JADE2: variants seen among roughly 807,000 people sequenced by gnomAD.
JADE2 encodes E3 ubiquitin-protein ligase Jade-2.
In JADE2, 13 loss-of-function variants were observed where a neutral mutation model predicts 85.7. The ratio of observed to expected loss-of-function variants is 0.15; its 90% CI spans 0.10 to 0.24. The LOEUF (loss-of-function observed/expected upper bound fraction) is 0.24. Ranked by LOEUF, JADE2 falls within the 10% of genes least tolerant of loss-of-function variation. JADE2 has a pLI of 1.00. For synonymous variants in JADE2, 440 were observed against 456.1 expected (o/e 0.96, Z 0.45); for missense variants, 846 against 1,115.9 (o/e 0.76, Z 3.45).
chr5:134,547,393 C>T (rs1015076806), intron 3 of JADE2, among the ~76,000 whole-genome samples: 3 of 152,200 alleles, frequency 2.0e-5, no homozygotes. Flanking sequence ...AGGCAGCAGA[C>T]CTTTAAAGAC....
chr5:134,531,883 C>CTTTTTTTTTTTTT lies in JADE2; in HGVS notation c.1-3957_1-3945dup, dbSNP rs1160758941. The stretch of plus-strand genomic sequence containing the variant: ...TATAAGGATGAGCCACCGTGCCTGG[C>CTTTTTTTTTTTTT]TTTTTTTTTTTTTTTTTTTTTTTTT... On this transcript the variant is annotated intron_variant, in intron 1 of 11. Transcript: ENST00000681547. 4.2e-4 allele frequency among the ~76,000 whole-genome samples: 16 copies of CTTTTTTTTTTTTT among 38,480 alleles called. 6 individuals are homozygous for CTTTTTTTTTTTTT. The highest frequency in any genetic ancestry group is 2.2e-3 in the South Asian group (2 of 914). The allele number at this position is 38,480 out of a possible 152,430, so 25.2% of individuals were successfully genotyped here. A position where few individuals can be genotyped will look rare whatever the true frequency, so the allele number is the denominator to read the frequency against.
rs368729387 is a variant in JADE2, at chr5:134,526,848, C to G, written c.-1+837C>G. On this transcript the variant is annotated intron_variant, in intron 1 of 11. Coordinates refer to ENST00000681547, the MANE Select transcript of JADE2 (RefSeq NM_001388185.1). ...CCTCCGGGGCCGCGCGGTAGTCCAGCTGGGGAGAGGCGCTGGGAGAGTGGA... is the reference window on the plus strand; with the variant it reads ...CCTCCGGGGCCGCGCGGTAGTCCAGGTGGGGAGAGGCGCTGGGAGAGTGGA... 1.2e-5 allele frequency: 10 copies of G among 801,256 alleles called. No homozygotes were observed. The African/African-American group carries it at 1.7e-4, about 13-fold the overall frequency. The allele number at this position is 801,256 out of a possible 1,614,324, so 49.6% of individuals were successfully genotyped here.
intron 11 of JADE2, 138 bp downstream of exon 11, chr5:134,577,034 C>T: frequency 1.0e-6 from 1 of 975,168 alleles, no homozygotes. Context: ...CCCTTGCTTG[C>T]CCAGGTGCAC....
In JADE2 at chr5:134,581,145, G is replaced by T. The variant is rs547682904; in HGVS notation, c.*1828G>T. 12 of 152,712 alleles carry T rather than the reference G, an allele frequency of 7.9e-5. No individual in the cohort carries two copies. Among genetic ancestry groups the T allele is most frequent in the African/African-American group, 2.9e-4 (12 of 41,572 alleles). 9.5% of individuals were successfully genotyped at this position (152,712 alleles called of 1,614,324 possible). ...AACAGGAAACAAAGATAATGACTCA[G>T]TTCAGAGGATCGGACAAATGTGTCT... On this transcript the variant is annotated 3_prime_UTR_variant, in exon 12 of 12. Coordinates refer to ENST00000681547, the MANE Select transcript of JADE2 (RefSeq NM_001388185.1).
rs9687358 is a variant in JADE2, at chr5:134,569,434, T to A, written c.1434+2854T>A. On this transcript the variant is annotated intron_variant, in intron 9 of 11. Transcript: ENST00000681547. Reference sequence around the variant, plus strand: ...GATGTGCTTTCCTAAAATTTCAGCCTTGGGCCTCGGCCCCAGCGGACGCTC... The same window carrying A: ...GATGTGCTTTCCTAAAATTTCAGCCATGGGCCTCGGCCCCAGCGGACGCTC... Among the ~76,000 whole-genome samples, 637 of 152,352 alleles carry A rather than the reference T, an allele frequency of 4.2e-3. 3 individuals are homozygous for A. The highest frequency in any genetic ancestry group is 0.015 in the African/African-American group (614 of 41,592).
intron 1 of JADE2, among the ~76,000 whole-genome samples, chr5:134,528,774 G>T (rs1761044567): frequency 6.6e-6 from 1 of 152,190 alleles, no homozygotes; most frequent in African/African-American, 2.4e-5. Context: ...AAATTGTTTG[G>T]CCAAGGGTCC....
chr5:134,547,152 A>C (rs1203824637), intron 3 of JADE2, among the ~76,000 whole-genome samples: 1 of 152,164 alleles, frequency 6.6e-6, no homozygotes, highest in Non-Finnish European at 1.5e-5. Flanking sequence ...AATGGTTGTG[A>C]TCTGCAGTCT....
At chr5:134,526,986 C>T (rs899423532) in intron 1 of JADE2, among the ~76,000 whole-genome samples, 3 of 152,198 alleles carry the variant, frequency 2.0e-5, no homozygotes, top group Admixed American at 6.5e-5. Context: ...GCTTCAGGGA[C>T]GGATCCGCAG....
At chr5:134,563,209 T>G (rs73293776) in intron 7 of JADE2, among the ~76,000 whole-genome samples, 2,013 of 151,842 alleles carry the variant, frequency 0.013, 37 homozygotes, top group African/African-American at 0.047. Flanking sequence ...TCCCAGTTAT[T>G]TGGGTGGCTG....
At chr5:134,537,329 C>T (rs941501064) in intron 2 of JADE2, among the ~76,000 whole-genome samples, 8 of 152,210 alleles carry the variant, frequency 5.3e-5, no homozygotes, top group African/African-American at 1.7e-4. Flanking sequence ...GCCTTAGACC[C>T]TAATAATTAT....
At chr5:134,565,826 C>CAAA (rs67913190) in intron 8 of JADE2, among the ~76,000 whole-genome samples, 2 of 141,670 alleles carry the variant, frequency 1.4e-5, no homozygotes, top group South Asian at 4.4e-4. Flanking sequence ...GACTCTGTCT[C>CAAA]AAAAAAAAAA....
chr5:134,544,718 GGGAA>G (rs1762187080), intron 3 of JADE2, among the ~76,000 whole-genome samples: 1 of 152,080 alleles, frequency 6.6e-6, no homozygotes, highest in South Asian at 2.1e-4. Flanking sequence ...TTAGTCCCTG[GGGAA>G]GGGGCCTGAG....
At chr5:134,563,803 G>A (rs1763474813) in intron 7 of JADE2, among the ~76,000 whole-genome samples, 1 of 152,150 alleles carries the variant, frequency 6.6e-6, no homozygotes, top group Non-Finnish European at 1.5e-5. Context: ...GAACCAACAG[G>A]GACTCCATCA....
At chr5:134,561,454 A>G (rs1038031378) in intron 6 of JADE2, among the ~76,000 whole-genome samples, 1 of 152,224 alleles carries the variant, frequency 6.6e-6, no homozygotes, top group Non-Finnish European at 1.5e-5. Flanking sequence ...AGAACAGTCT[A>G]GTAAGGGCTA....
chr5:134,526,679 C>A, intron 1 of JADE2: 2 of 985,482 alleles, frequency 2.0e-6, no homozygotes, highest in Non-Finnish European at 2.4e-6. Context: ...CACGCGGGGG[C>A]AGCATGCTCG....
intron 4 of JADE2, 135 bp from the exon 5 acceptor site, chr5:134,559,695 A>G: frequency 1.3e-6 from 1 of 759,508 alleles, no homozygotes. Context: ...GAGGGGGTGG[A>G]AGGAGGTGGG....
At chr5:134,575,643 C>A (rs904128344) in intron 10 of JADE2, 1 of 151,368 alleles carries the variant, frequency 6.6e-6, no homozygotes, top group Non-Finnish European at 1.5e-5. Context: ...CACAGTGGCT[C>A]ATGCCTAAAA....
chr5:134,581,440 G>A lies in JADE2; in HGVS notation c.*2123G>A, dbSNP rs1764706688. On this transcript the variant is annotated 3_prime_UTR_variant, in exon 12 of 12. Coordinates refer to ENST00000681547, the MANE Select transcript of JADE2 (RefSeq NM_001388185.1). ...CAGGAAGCAAAGAGGTGAGCTTAAA[G>A]AACAACCAAACTCTGCCAGGGGTCC... 6.5e-6 allele frequency: 1 copy of A among 152,782 alleles called. No individual in the cohort carries two copies. The highest frequency in any genetic ancestry group is 1.5e-5 in the Non-Finnish European group (1 of 68,220). The allele number at this position is 152,782 out of a possible 1,614,324, so 9.5% of individuals were successfully genotyped here.
At chr5:134,527,441 T>C (rs1218378892) in intron 1 of JADE2, among the ~76,000 whole-genome samples, 2 of 151,982 alleles carry the variant, frequency 1.3e-5, no homozygotes, top group Non-Finnish European at 2.9e-5. Context: ...GGCTTCACTC[T>C]AGCTTCCAGA....
Sources: allele counts gnomAD v4.1 joint callset (sites outside exome capture counted in the v4.1 genomes callset), GRCh38; gene constraint gnomAD v4.1.1; transcripts MANE v1.5; gene names NCBI Gene and HGNC (gene_info 2026-07-23, HGNC 2026-07-21).